PLOD2: variants seen among roughly 807,000 people sequenced by gnomAD.
PLOD2 encodes the protein procollagen-lysine,2-oxoglutarate 5-dioxygenase 2.
Under a neutral mutation model 101.0 loss-of-function variants are expected in PLOD2, and 65 were observed. The observed-to-expected ratio is 0.64, with a 90% CI of 0.53 to 0.79. PLOD2 has a LOEUF of 0.79. Ranked by LOEUF, PLOD2 falls within the 30% of genes least tolerant of loss-of-function variation. The pLI, the probability that PLOD2 is intolerant of heterozygous loss-of-function variation, is 0.00. For synonymous variants in PLOD2, 314 were observed against 302.9 expected, an observed-to-expected ratio of 1.04 and a Z score of -0.38; for missense variants, 909 against 914.6, an observed-to-expected ratio of 0.99 and a Z score of 0.08.
chr3:146,112,802 G>T (rs1404543015), intron 3 of PLOD2, among the ~76,000 whole-genome samples: 2 of 145,418 alleles, frequency 1.4e-5, no homozygotes, highest in Non-Finnish European at 3.0e-5. Context: ...AGTGAGCTGA[G>T]ATCATGCCAC....
intron 7 of PLOD2, among the ~76,000 whole-genome samples, chr3:146,098,439 G>A (rs1208921930): frequency 1.3e-5 from 2 of 151,926 alleles, no homozygotes; most frequent in African/African-American, 4.8e-5. Context: ...ACCTAAATAT[G>A]TTTTAAATAA....
chr3:146,151,497 C>T (rs570403070), intron 1 of PLOD2, among the ~76,000 whole-genome samples: 143 of 137,778 alleles, frequency 1.0e-3, no homozygotes, highest in African/African-American at 3.6e-3. Context: ...AACTCCGTTT[C>T]AAAAAAAAAA....
intron 1 of PLOD2, among the ~76,000 whole-genome samples, chr3:146,159,669 T>C (rs1349721956): frequency 6.6e-6 from 1 of 152,226 alleles, no homozygotes; most frequent in Admixed American, 6.5e-5. Flanking sequence ...TGCAAAAGTT[T>C]AGTTCAAATT....
chr3:146,104,059 G>A (rs1330149092), intron 6 of PLOD2, among the ~76,000 whole-genome samples: 1 of 152,112 alleles, frequency 6.6e-6, no homozygotes, highest in African/African-American at 2.4e-5. Flanking sequence ...GTTACCTAAA[G>A]CCAGAAGCTT....
intron 7 of PLOD2, among the ~76,000 whole-genome samples, chr3:146,093,717 A>T (rs998414184): frequency 7.9e-5 from 12 of 152,144 alleles, no homozygotes; most frequent in African/African-American, 2.7e-4. Flanking sequence ...AAAGACTGGT[A>T]TTTCCACCAT....
At chr3:146,126,435 G>T (rs963754649) in intron 1 of PLOD2, among the ~76,000 whole-genome samples, 1 of 152,024 alleles carries the variant, frequency 6.6e-6, no homozygotes, top group Admixed American at 6.6e-5. Flanking sequence ...CATTTATGAA[G>T]TATTACTGTT....
chr3:146,115,154 C>T (rs1317313844), intron 3 of PLOD2, among the ~76,000 whole-genome samples: 1 of 152,142 alleles, frequency 6.6e-6, no homozygotes, highest in Non-Finnish European at 1.5e-5. Context: ...CCGGCCAACA[C>T]TTAGGGAAAT....
chr3:146,136,017 C>T (rs1336335731), intron 1 of PLOD2, among the ~76,000 whole-genome samples: 1 of 152,056 alleles, frequency 6.6e-6, no homozygotes, highest in African/African-American at 2.4e-5. Flanking sequence ...ATTTTCTCCC[C>T]ACTTACCATT....
At chr3:146,154,968 T>A (rs1314180774) in intron 1 of PLOD2, among the ~76,000 whole-genome samples, 1 of 152,232 alleles carries the variant, frequency 6.6e-6, no homozygotes, top group East Asian at 1.9e-4. Flanking sequence ...AAACGATGTA[T>A]CTTTGCTCTT....
At position 146,077,607 on chromosome 3, in the gene PLOD2, A is replaced by G. The variant is rs1936391080; in HGVS notation, c.1563+255T>C. On this transcript the variant is annotated intron_variant, in intron 14 of 19. Coordinates refer to ENST00000282903, the MANE Select transcript of PLOD2 (RefSeq NM_182943.3). Reference sequence around the variant, plus strand: ...AAAGAAATAAAAACCTAAAAAAAGAATGAAAGGGACTTAGGTTTAACTTTG... The same window carrying G: ...AAAGAAATAAAAACCTAAAAAAAGAGTGAAAGGGACTTAGGTTTAACTTTG... 14 of 372,072 alleles carry G rather than the reference A, an allele frequency of 3.8e-5. No individual in the cohort carries two copies. The South Asian group carries it at 8.2e-4, about 22-fold the overall frequency. 23.0% of individuals were successfully genotyped at this position (372,072 alleles called of 1,614,324 possible).
intron 4 of PLOD2, 44 bp from the exon 5 acceptor site, chr3:146,106,688 A>C: frequency 1.0e-6 from 1 of 972,730 alleles, no homozygotes; most frequent in Non-Finnish European, 1.7e-6. Context: ...GGATTCAAAG[A>C]CCAAAACTGG....
In PLOD2 at chr3:146,113,857, G is replaced by A. The variant is rs149659234; in HGVS notation, c.339-3409C>T. 9.2e-5 allele frequency among the ~76,000 whole-genome samples: 14 copies of A among 152,264 alleles called. No homozygotes were observed. The East Asian group carries it at 9.7e-4, about 11-fold the overall frequency. ...CATCAGGTCTGACTGCCTGAGAGCC[G>A]GGCGGAACAGAGCCATATTTCTCTT... On this transcript the variant is annotated intron_variant, in intron 3 of 19. Transcript: ENST00000282903.
chr3:146,160,790 TG>T, intron 1 of PLOD2, 90 bp downstream of exon 1: 1 of 826,230 alleles, frequency 1.2e-6, no homozygotes, highest in Non-Finnish European at 2.0e-6. Flanking sequence ...ACTACTCACC[TG>T]GCCAGCCCCG....
chr3:146,072,302 GAGGACATCGACCCTT>G (rs1195369310), intron 17 of PLOD2, among the ~76,000 whole-genome samples: 4 of 151,654 alleles, frequency 2.6e-5, no homozygotes, highest in African/African-American at 9.7e-5. Flanking sequence ...ACTCTGGCCT[GAGGACATCGACCCTT>G]AGGGAACATC....
At chr3:146,149,035 A>C (rs913375845) in intron 1 of PLOD2, among the ~76,000 whole-genome samples, 7 of 152,260 alleles carry the variant, frequency 4.6e-5, no homozygotes. Flanking sequence ...GGAAGAATTC[A>C]GTGTCACATT....
intron 1 of PLOD2, among the ~76,000 whole-genome samples, chr3:146,143,612 G>A (rs1015721272): frequency 1.3e-5 from 2 of 151,812 alleles, no homozygotes; most frequent in Non-Finnish European, 2.9e-5. Flanking sequence ...TCTACTGGCC[G>A]GAATGATATA....
rs771120392 is a variant in PLOD2 at position 146,070,761 on chromosome 3, T to G, written c.2233A>C (p.Lys745Gln). Reference protein sequence around the residue: ...LTHLHEGLPVKNGTRYIAVSF... With the variant: ...LTHLHEGLPVQNGTRYIAVSF... ...ACTGCAATGTATCTTGTTCCATTTTTAACAGGAAGTCCTTCATGCAAATGT... is the reference window on the plus strand; with the variant it reads ...ACTGCAATGTATCTTGTTCCATTTTGAACAGGAAGTCCTTCATGCAAATGT... Residue 745 changes from lysine to glutamine, a missense_variant, in exon 20 of 20, where the codon AAA becomes CAA. Transcript: ENST00000282903. The G allele has an allele frequency of 6.2e-7, 1 of 1,609,412 alleles. No individual in the cohort carries two copies. Among genetic ancestry groups the G allele is most frequent in the Non-Finnish European group, 8.5e-7 (1 of 1,176,398 alleles).
chr3:146,083,169 CA>C (rs1221458769), intron 11 of PLOD2, among the ~76,000 whole-genome samples: 2 of 151,996 alleles, frequency 1.3e-5, no homozygotes, highest in African/African-American at 4.8e-5. Flanking sequence ...TTTGGGAAAC[CA>C]AAATTCATCT....
chr3:146,143,371 A>G lies in PLOD2; in HGVS notation c.109+17510T>C, dbSNP rs2031620836. 3.9e-5 allele frequency among the ~76,000 whole-genome samples: 6 copies of G among 152,164 alleles called. No individual in the cohort carries two copies. In the South Asian group the frequency reaches 1.2e-3, roughly 32 times the overall value. On this transcript the variant is annotated intron_variant, in intron 1 of 19. Coordinates refer to ENST00000282903, the MANE Select transcript of PLOD2 (RefSeq NM_182943.3). ...ACTTAAACAAATTAAAACTTCTAAG[A>G]TGCAAAATTTTAAGAATAAAATTTG...
Sources: gnomAD v4.1 joint callset for allele counts (sites outside exome capture counted in the v4.1 genomes callset) on GRCh38, gnomAD v4.1.1 for gene constraint, MANE v1.5 for transcripts, NCBI Gene and HGNC (gene_info 2026-07-23, HGNC 2026-07-21) for gene names.